The following PRELID2 variants were observed in gnomAD, a reference collection of about 807,000 sequenced individuals.
PRELID2 encodes PRELI domain containing 2, also known as PRELI domain-containing protein 2.
Under a neutral mutation model 28.4 loss-of-function variants are expected in PRELID2, and 25 were observed. The observed-to-expected ratio is 0.88, with a 90% confidence interval of 0.64 to 1.23. The LOEUF is 1.23. Among genes scored for constraint, PRELID2 ranks in the 50% most tolerant of loss-of-function variants. The probability of loss-of-function intolerance (pLI) is 0.00; values close to 1 mark genes in which losing one functional copy is unlikely to be tolerated. For missense variants in PRELID2, 201 were observed against 214.4 expected (o/e 0.94, Z 0.39); for synonymous variants, 76 against 71.6 (o/e 1.06, Z -0.31).
the PRELID2 span, among the ~76,000 whole-genome samples, chr5:145,369,965 T>G: frequency 6.6e-6 from 1 of 152,048 alleles, no homozygotes; most frequent in Non-Finnish European, 1.5e-5. Flanking sequence ...AATGGGTTTT[T>G]TTTTTGTAAA....
chr5:145,410,652 C>G, the PRELID2 span, among the ~76,000 whole-genome samples: 2 of 152,032 alleles, frequency 1.3e-5, no homozygotes, highest in South Asian at 4.1e-4. Context: ...ATAAGAACAG[C>G]ATGGGGGAAA....
intron 1 of PRELID2, among the ~76,000 whole-genome samples, chr5:145,557,909 G>GTGTAA (rs1752894440): frequency 6.6e-6 from 1 of 152,118 alleles, no homozygotes; most frequent in Non-Finnish European, 1.5e-5. Context: ...TGATGAAGTT[G>GTGTAA]GTTCTTGCCT....
the PRELID2 span, among the ~76,000 whole-genome samples, chr5:145,282,515 C>CTTTTTTTTTTT: frequency 7.1e-6 from 1 of 141,690 alleles, no homozygotes; most frequent in Non-Finnish European, 1.5e-5. Flanking sequence ...GACAGCTCTT[C>CTTTTTTTTTTT]TTTTTTTTTT....
chr5:145,238,887 T>C, the PRELID2 span, among the ~76,000 whole-genome samples: 1 of 152,094 alleles, frequency 6.6e-6, no homozygotes, highest in Non-Finnish European at 1.5e-5. Flanking sequence ...ATCTAAATCA[T>C]CACTTATTTA....
chr5:145,534,345 T>A (rs1000472810), intron 1 of PRELID2, among the ~76,000 whole-genome samples: 1 of 152,068 alleles, frequency 6.6e-6, no homozygotes, highest in Non-Finnish European at 1.5e-5. Flanking sequence ...TATGATAATT[T>A]AAAAAACTAA....
the PRELID2 span, among the ~76,000 whole-genome samples, chr5:145,365,998 T>C: frequency 1.3e-5 from 2 of 151,958 alleles, no homozygotes; most frequent in Non-Finnish European, 2.9e-5. Flanking sequence ...TCTTTTTTTC[T>C]AAATAGCAAT....
intron 1 of PRELID2, among the ~76,000 whole-genome samples, chr5:145,667,062 C>A (rs557538301): frequency 8.6e-4 from 131 of 152,142 alleles, no homozygotes; most frequent in African/African-American, 3.1e-3. Context: ...AATACAGATA[C>A]ATTTGCATTT....
the PRELID2 span, among the ~76,000 whole-genome samples, chr5:145,373,794 T>G: frequency 1.2e-5 from 1 of 81,120 alleles, no homozygotes; most frequent in Non-Finnish European, 2.1e-5. Context: ...TATGATATAA[T>G]ATATTACAAC....
At chr5:145,279,659 AAC>A in the PRELID2 span, among the ~76,000 whole-genome samples, 1 of 152,160 alleles carries the variant, frequency 6.6e-6, no homozygotes, top group Non-Finnish European at 1.5e-5. Flanking sequence ...AAATGTAAAA[AAC>A]ACAGAGTTGC....
chr5:145,817,135 G>A (rs979123300), intron 4 of PRELID2, among the ~76,000 whole-genome samples: 20 of 146,230 alleles, frequency 1.4e-4, no homozygotes, highest in South Asian at 4.5e-4. Context: ...AGGCTGCACC[G>A]AGCCATGATT....
intron 1 of PRELID2, among the ~76,000 whole-genome samples, chr5:145,619,800 G>A (rs1246474118): frequency 6.6e-6 from 1 of 152,106 alleles, no homozygotes; most frequent in Non-Finnish European, 1.5e-5. Context: ...ACTTGAAAAT[G>A]GGATAGGAAA....
At chr5:145,424,198 T>C in the PRELID2 span, among the ~76,000 whole-genome samples, 3 of 152,054 alleles carry the variant, frequency 2.0e-5, no homozygotes, top group African/African-American at 7.2e-5. Context: ...TGTTTGTCTG[T>C]GCCCTGCCCC....
intron 1 of PRELID2, among the ~76,000 whole-genome samples, chr5:145,666,781 T>G (rs1754604274): frequency 6.6e-6 from 1 of 152,110 alleles, no homozygotes; most frequent in Non-Finnish European, 1.5e-5. Flanking sequence ...CTCGAGTCCT[T>G]GTTTGACAAG....
At chr5:145,651,505 C>A (rs1251517384) in intron 1 of PRELID2, among the ~76,000 whole-genome samples, 1 of 152,166 alleles carries the variant, frequency 6.6e-6, no homozygotes, top group Non-Finnish European at 1.5e-5. Context: ...GGAGGCACCC[C>A]CAGTAGGGGC....
At chr5:145,286,697 T>TTTTTTTTTTTTTG in the PRELID2 span, among the ~76,000 whole-genome samples, 1 of 120,416 alleles carries the variant, frequency 8.3e-6, no homozygotes, top group African/African-American at 3.8e-5. Flanking sequence ...AACATAGAAG[T>TTTTTTTTTTTTTG]TTTTGTTTTT....
intron 1 of PRELID2, among the ~76,000 whole-genome samples, chr5:145,531,344 T>A (rs1301433259): frequency 6.6e-6 from 1 of 152,204 alleles, no homozygotes; most frequent in Non-Finnish European, 1.5e-5. Flanking sequence ...TAAAAGAGAC[T>A]GTTTTGACAA....
intron 1 of PRELID2, among the ~76,000 whole-genome samples, chr5:145,734,673 T>C (rs776460889): frequency 6.6e-6 from 1 of 152,232 alleles, no homozygotes; most frequent in African/African-American, 2.4e-5. Flanking sequence ...TTTATTTTCA[T>C]GGCTAACTTT....
chr5:145,463,924 G>A, the PRELID2 span, among the ~76,000 whole-genome samples: 8 of 152,154 alleles, frequency 5.3e-5, no homozygotes, highest in Non-Finnish European at 8.8e-5. Flanking sequence ...TATTACAACA[G>A]CTTCCCAAAT....
intron 1 of PRELID2, among the ~76,000 whole-genome samples, chr5:145,661,729 A>G (rs904776710): frequency 6.6e-6 from 1 of 151,878 alleles, no homozygotes; most frequent in Non-Finnish European, 1.5e-5. Context: ...GGGAAAATAC[A>G]TTAGCCGCCT....
Sources: allele counts gnomAD v4.1 joint callset (sites outside exome capture counted in the v4.1 genomes callset), GRCh38; gene constraint gnomAD v4.1.1; transcripts MANE v1.5; gene names NCBI Gene and HGNC (gene_info 2026-07-23, HGNC 2026-07-21).